TNNI3K: variants seen among roughly 807,000 people sequenced by gnomAD.
The protein encoded by TNNI3K is serine/threonine-protein kinase TNNI3K.
A neutral mutation model predicts 114.5 loss-of-function variants in TNNI3K; 140 were observed. That is an observed-to-expected ratio of 1.22 (90% CI 1.07 to 1.41). The LOEUF (loss-of-function observed/expected upper bound fraction) is 1.41. Among genes scored for constraint, TNNI3K ranks in the 40% most tolerant of loss-of-function variants. TNNI3K has a pLI of 0.00. For synonymous variants in TNNI3K, 347 were observed against 347.5 expected (o/e 1.00, Z 0.02); for missense variants, 1,125 against 1,007.6 (o/e 1.12, Z -1.58).
intron 4 of TNNI3K, among the ~76,000 whole-genome samples, chr1:74,262,903 C>T (rs1185032464): frequency 1.3e-5 from 2 of 152,088 alleles, no homozygotes; most frequent in African/African-American, 2.4e-5. Context: ...TCATTGTACT[C>T]TCTTAGCTCC....
intron 5 of TNNI3K, among the ~76,000 whole-genome samples, chr1:74,285,669 T>G (rs1657285791): frequency 6.6e-6 from 1 of 152,198 alleles, no homozygotes; most frequent in Admixed American, 6.5e-5. Flanking sequence ...TCCAATATTG[T>G]GATTTTTGCA....
chr1:74,493,540 A>G (rs185845454), intron 23 of TNNI3K, among the ~76,000 whole-genome samples: 1 of 152,334 alleles, frequency 6.6e-6, no homozygotes, highest in Admixed American at 6.5e-5. Context: ...AAAGAGAAAT[A>G]TATCTGTCAT....
At chr1:74,391,545 C>T (rs908815436) in intron 17 of TNNI3K, among the ~76,000 whole-genome samples, 45 of 152,108 alleles carry the variant, frequency 3.0e-4, no homozygotes, top group African/African-American at 9.9e-4. Context: ...ACCAAGAGGT[C>T]TTTTGTGGCC....
intron 21 of TNNI3K, chr1:74,472,306 A>C: frequency 1.6e-6 from 1 of 619,466 alleles, no homozygotes; most frequent in Non-Finnish European, 2.9e-6. Flanking sequence ...GACTCCTCTG[A>C]TAATTGCAGT....
chr1:74,518,870 T>C (rs1417339634), intron 23 of TNNI3K, among the ~76,000 whole-genome samples: 4 of 72,132 alleles, frequency 5.5e-5, no homozygotes, highest in African/African-American at 2.8e-4. Flanking sequence ...TTATTTTTTT[T>C]CCCCTTTTTT....
At chr1:74,454,279 T>A (rs1667141246) in intron 20 of TNNI3K, among the ~76,000 whole-genome samples, 1 of 152,166 alleles carries the variant, frequency 6.6e-6, no homozygotes, top group African/African-American at 2.4e-5. Flanking sequence ...TTAACTATAG[T>A]CACTCCATTA....
chr1:74,448,825 G>C lies in TNNI3K; in HGVS notation c.2011+9203G>C, dbSNP rs1054775121. Among the ~76,000 whole-genome samples the C allele has an allele frequency of 9.0e-5, 6 of 66,964 alleles. No homozygotes were observed. In the South Asian group the frequency reaches 1.8e-3, roughly 20 times the overall value. 43.9% of individuals were successfully genotyped at this position (66,964 alleles called of 152,430 possible). ...CCAGGGATGAAGCCCACTTGATCAT[G>C]GTGGATAAGCTTTTTGATGTGCTGC... On this transcript the variant is annotated intron_variant, in intron 20 of 24. Transcript: ENST00000326637.
At chr1:74,529,305 C>A (rs550241334) in intron 23 of TNNI3K, among the ~76,000 whole-genome samples, 30 of 152,116 alleles carry the variant, frequency 2.0e-4, no homozygotes, top group Admixed American at 1.6e-3. Flanking sequence ...AAACAACATC[C>A]CTTCTGTGAT....
chr1:74,380,905 C>T (rs1196927911), intron 17 of TNNI3K, among the ~76,000 whole-genome samples: 1 of 152,082 alleles, frequency 6.6e-6, no homozygotes, highest in Non-Finnish European at 1.5e-5. Context: ...TAATTGAGTG[C>T]AAACTGACTA....
chr1:74,461,020 C>A (rs1667431822), intron 20 of TNNI3K, among the ~76,000 whole-genome samples: 1 of 152,158 alleles, frequency 6.6e-6, no homozygotes. Flanking sequence ...AGACTATGCA[C>A]AACTATTTTA....
rs1364674245 is a variant in TNNI3K, at chr1:74,367,909, T to C, written c.1266T>C (p.Asp422=). 2 of 1,572,766 alleles carry C rather than the reference T, an allele frequency of 1.3e-6. No individual in the cohort carries two copies. The highest frequency in any genetic ancestry group is 3.9e-5 in the Admixed American group (2 of 51,288). The change falls in exon 13 of 25, where the codon GAT becomes GAC. Residue 422 remains aspartate (D), a splice_region_variant and synonymous_variant. Coordinates refer to ENST00000326637, the MANE Select transcript of TNNI3K (RefSeq NM_015978.3). ...PCNEYSQPGG[D]GSYVSVPSPL... ...TCTATTATATAATTTAATTTCTAGA[T>C]GGCTCCTATGTGTCTGTTCCATCAC...
intron 17 of TNNI3K, among the ~76,000 whole-genome samples, chr1:74,407,151 A>T (rs1384832859): frequency 6.6e-6 from 1 of 152,188 alleles, no homozygotes; most frequent in East Asian, 1.9e-4. Flanking sequence ...TTCTGCTAAA[A>T]TTTTTGCTAT....
At chr1:74,240,513 T>C (rs1259676515) in intron 2 of TNNI3K, 2 of 152,222 alleles carry the variant, frequency 1.3e-5, no homozygotes, top group Admixed American at 6.5e-5. Flanking sequence ...TCCATCTTTA[T>C]TTGATTTCAA....
intron 17 of TNNI3K, among the ~76,000 whole-genome samples, chr1:74,425,992 G>A (rs142166830): frequency 1.4e-5 from 1 of 69,614 alleles, no homozygotes; most frequent in African/African-American, 6.1e-5. Context: ...ACGCTGAAAG[G>A]TTCAGTGAAT....
intron 2 of TNNI3K, among the ~76,000 whole-genome samples, chr1:74,242,757 T>A (rs1268998291): frequency 6.6e-6 from 1 of 152,210 alleles, no homozygotes; most frequent in East Asian, 1.9e-4. Context: ...CTAATTCTTT[T>A]CTTGTTTGTC....
At chr1:74,500,336 A>C (rs1669546185) in intron 23 of TNNI3K, among the ~76,000 whole-genome samples, 1 of 151,892 alleles carries the variant, frequency 6.6e-6, no homozygotes, top group Admixed American at 6.6e-5. Flanking sequence ...CCATAAATGC[A>C]CCTTTAAAAA....
chr1:74,356,096 A>G (rs1448024539), intron 11 of TNNI3K, among the ~76,000 whole-genome samples: 1 of 152,104 alleles, frequency 6.6e-6, no homozygotes, highest in East Asian at 1.9e-4. Context: ...TCGTTTTGCC[A>G]CTTTCTGCAC....
intron 4 of TNNI3K, among the ~76,000 whole-genome samples, chr1:74,251,799 C>T (rs1339708040): frequency 6.6e-6 from 1 of 152,178 alleles, no homozygotes; most frequent in African/African-American, 2.4e-5. Flanking sequence ...TCTAGCATCA[C>T]AAATTCCTGT....
At chr1:74,436,181 A>G (rs1407972370) in intron 18 of TNNI3K, 49 bp downstream of exon 18, 2 of 1,602,510 alleles carry the variant, frequency 1.2e-6, no homozygotes, top group African/African-American at 2.7e-5. Flanking sequence ...CCTAGCTGGT[A>G]CAATATGGTG....
Sources: gnomAD v4.1 joint callset for allele counts (sites outside exome capture counted in the v4.1 genomes callset) on GRCh38, gnomAD v4.1.1 for gene constraint, MANE v1.5 for transcripts, NCBI Gene and HGNC (gene_info 2026-07-23, HGNC 2026-07-21) for gene names.